FAM83A: variants seen among roughly 807,000 people sequenced by gnomAD.
FAM83A encodes the protein scaffolding CK1 anchoring protein A, also known as protein FAM83A.
Under a neutral mutation model 24.4 loss-of-function variants are expected in FAM83A, and 21 were observed. The observed-to-expected ratio is 0.86, with a 90% CI of 0.61 to 1.24. The LOEUF (loss-of-function observed/expected upper bound fraction) is 1.24, where lower values mean the gene tolerates loss of function less well. Among genes scored for constraint, FAM83A ranks in the 50% most tolerant of loss-of-function variants. The pLI, the probability that FAM83A is intolerant of heterozygous loss-of-function variation, is 0.00. For synonymous variants in FAM83A, 270 were observed against 252.4 expected, an observed-to-expected ratio of 1.07 and a Z score of -0.66; for missense variants, 617 against 579.8, an observed-to-expected ratio of 1.06 and a Z score of -0.66.
At chr8:123,187,041 G>A (rs1466460845) in intron 1 of FAM83A, among the ~76,000 whole-genome samples, 1 of 152,140 alleles carries the variant, frequency 6.6e-6, no homozygotes, top group African/African-American at 2.4e-5. Context: ...CAGGCTTCAC[G>A]GAAGAGGTGG....
At chr8:123,197,601 C>T (rs556076804) in intron 3 of FAM83A, among the ~76,000 whole-genome samples, 2 of 152,232 alleles carry the variant, frequency 1.3e-5, no homozygotes, top group South Asian at 2.1e-4. Flanking sequence ...CCCCTTTCGG[C>T]GATTGTGAAT....
At chr8:123,193,120 C>T (rs1012125172) in intron 2 of FAM83A, among the ~76,000 whole-genome samples, 1 of 152,248 alleles carries the variant, frequency 6.6e-6, no homozygotes, top group African/African-American at 2.4e-5. Flanking sequence ...TTTCTCCAGC[C>T]TTCCAGCTGT....
At chr8:123,204,707 G>A (rs933740306) in intron 3 of FAM83A, among the ~76,000 whole-genome samples, 6 of 152,066 alleles carry the variant, frequency 3.9e-5, no homozygotes, top group African/African-American at 9.7e-5. Flanking sequence ...CTTGCAGTGA[G>A]CCGAGATCGC....
intron 3 of FAM83A, among the ~76,000 whole-genome samples, chr8:123,206,931 C>T (rs1195471309): frequency 6.7e-6 from 1 of 150,290 alleles, no homozygotes; most frequent in African/African-American, 2.5e-5. Flanking sequence ...CCTCCTCTTC[C>T]TCCTCTTCTT....
At chr8:123,188,628 C>T (rs1270500206) in intron 1 of FAM83A, among the ~76,000 whole-genome samples, 3 of 152,186 alleles carry the variant, frequency 2.0e-5, no homozygotes, top group South Asian at 2.1e-4. Context: ...GGATTACAGG[C>T]GTGCGCCACC....
rs753452634 is a variant in FAM83A, at chr8:123,209,468, C to A, written c.*1780C>A. 11 of 1,614,040 alleles carry A rather than the reference C, an allele frequency of 6.8e-6. No individual in the cohort carries two copies. The highest frequency in any genetic ancestry group is 1.6e-4 in the Middle Eastern group (1 of 6,084). On this transcript the variant is annotated 3_prime_UTR_variant, in exon 4 of 4. Coordinates refer to ENST00000690554, the Ensembl canonical transcript of FAM83A. The surrounding 1 kb of genome is among the most constrained non-coding windows in gnomAD (Gnocchi z 4.7). Reference sequence around the variant, plus strand: ...AACAAAACAAAAACAAAAAAACAAACAACACTTTGGTTCCTGATGGCTTTC... The same window carrying A: ...AACAAAACAAAAACAAAAAAACAAAAAACACTTTGGTTCCTGATGGCTTTC...
At chr8:123,183,892 C>T (rs916165707) in intron 1 of FAM83A, among the ~76,000 whole-genome samples, 30 of 151,978 alleles carry the variant, frequency 2.0e-4, no homozygotes, top group African/African-American at 7.3e-4. Flanking sequence ...GAAGAGGTTT[C>T]ACCATGTTGG....
intron 3 of FAM83A, among the ~76,000 whole-genome samples, chr8:123,204,192 C>G (rs2131103339): frequency 6.6e-6 from 1 of 152,100 alleles, no homozygotes; most frequent in Admixed American, 6.5e-5. Context: ...CAGGGAGGAT[C>G]ACTTGAAGCC....
At chr8:123,197,445 C>T (rs1184996520) in intron 3 of FAM83A, among the ~76,000 whole-genome samples, 2 of 152,198 alleles carry the variant, frequency 1.3e-5, no homozygotes, top group African/African-American at 4.8e-5. Context: ...TGGCTTCCTT[C>T]ACTTAACATA....
chr8:123,207,221 GAGCTGTTTGA>G lies in FAM83A; in HGVS notation c.839_848del (p.Glu280AlafsTer14). ...CTCCAAGTTCACAGGCCAGGCGGTG[GAGCTGTTTGA>G]CGAGGAGTTCCGCCACCTCTACGCC... is the stretch of plus-strand genomic sequence containing the variant. On this transcript the variant is annotated frameshift_variant, in exon 4 of 4. Transcript: ENST00000690554. LOFTEE classifies it low-confidence loss of function (END_TRUNC). 1.2e-6 allele frequency: 2 copies of G among 1,612,404 alleles called. No homozygotes were observed. Among genetic ancestry groups the G allele is most frequent in the Non-Finnish European group, 1.7e-6 (2 of 1,179,668 alleles).
intron 3 of FAM83A, among the ~76,000 whole-genome samples, chr8:123,205,973 T>A (rs1824538894): frequency 6.6e-6 from 1 of 151,800 alleles, no homozygotes; most frequent in Admixed American, 6.6e-5. Context: ...TGAACCCCTG[T>A]CTCTACTAAA....
intron 1 of FAM83A, among the ~76,000 whole-genome samples, chr8:123,190,179 G>T (rs186538036): frequency 1.3e-5 from 2 of 151,736 alleles, no homozygotes; most frequent in East Asian, 3.9e-4. Context: ...AAAAATGAAA[G>T]AGAGAGAGGA....
At chr8:123,208,024 G>A (rs1824624254) in exon 4 of FAM83A, 1 of 1,112,344 alleles carries the variant, frequency 9.0e-7, no homozygotes. Flanking sequence ...TCCGTAAGAA[G>A]CAGGAAATGC....
At chr8:123,204,785 G>A (rs182473023) in intron 3 of FAM83A, among the ~76,000 whole-genome samples, 7 of 148,398 alleles carry the variant, frequency 4.7e-5, no homozygotes, top group African/African-American at 9.9e-5. Flanking sequence ...GAAAGGAAAC[G>A]CCTCTCTGCT....
chr8:123,198,371 T>A (rs946648332), intron 3 of FAM83A, among the ~76,000 whole-genome samples: 2 of 152,124 alleles, frequency 1.3e-5, no homozygotes, highest in East Asian at 3.9e-4. Context: ...ACACAGGCAT[T>A]TGGAAACAAA....
upstream of FAM83A, among the ~76,000 whole-genome samples, chr8:123,180,996 T>A (rs990996239): frequency 1.3e-5 from 2 of 152,184 alleles, no homozygotes; most frequent in Non-Finnish European, 2.9e-5. Flanking sequence ...CAGGCTACAG[T>A]GCAATGGTGC....
exon 1 of FAM83A, chr8:123,183,109 C>A (rs143528210): frequency 6.2e-7 from 1 of 1,613,936 alleles, no homozygotes; most frequent in Non-Finnish European, 8.5e-7. Context: ...CCCAGACACC[C>A]TGGGAGGGGC....
rs1824126807 is a variant in FAM83A at position 123,195,709 on chromosome 8, A to G, written c.773+1561A>G. Among the ~76,000 whole-genome samples, 3 of 152,042 alleles carry G rather than the reference A, an allele frequency of 2.0e-5. No individual in the cohort carries two copies. The South Asian group carries it at 6.2e-4, about 32-fold the overall frequency. ...CTGTCTCATAGACTGCTGCCTTTTC[A>G]CTGTGTGACACAGTGAAAGTGTATC... On this transcript the variant is annotated intron_variant, in intron 3 of 3. Transcript: ENST00000690554.
intron 3 of FAM83A, among the ~76,000 whole-genome samples, chr8:123,206,031 T>C (rs1401303110): frequency 1.3e-5 from 2 of 151,524 alleles, no homozygotes; most frequent in Non-Finnish European, 2.9e-5. Context: ...TAATCCCAGC[T>C]ACTTGGGAGG....
Sources: gnomAD v4.1 joint callset for allele counts (sites outside exome capture counted in the v4.1 genomes callset) on GRCh38, gnomAD v4.1.1 for gene constraint, Gnocchi (gnomAD v3.1) non-coding constraint, MANE v1.5 for transcripts, NCBI Gene and HGNC (gene_info 2026-07-23, HGNC 2026-07-21) for gene names.